The following RP1 variants were observed in gnomAD, a reference collection of about 807,000 sequenced individuals.
The protein encoded by RP1 is RP1 axonemal microtubule associated.
Under a neutral mutation model 14.8 loss-of-function variants are expected in RP1, and 16 were observed. That is an observed-to-expected ratio of 1.08 (90% confidence interval 0.73 to 1.65). The LOEUF is 1.65. Ranked by LOEUF, RP1 falls within the 40% of genes most tolerant of loss-of-function variation. The pLI is 0.00. For missense variants in RP1, 2,631 were observed against 2,535.0 expected, an observed-to-expected ratio of 1.04 and a Z score of -0.81; for synonymous variants, 876 against 883.6, an observed-to-expected ratio of 0.99 and a Z score of 0.15.
intron 12 of RP1, among the ~76,000 whole-genome samples, chr8:54,691,439 T>G (rs1343864411): frequency 1.3e-5 from 2 of 152,054 alleles, no homozygotes; most frequent in African/African-American, 4.8e-5. Context: ...GCTAGGAATG[T>G]GTGGAAAATT....
At chr8:54,702,681 T>C (rs1310276598) in intron 14 of RP1, among the ~76,000 whole-genome samples, 1 of 152,186 alleles carries the variant, frequency 6.6e-6, no homozygotes, top group Non-Finnish European at 1.5e-5. Context: ...ATTGACTCAT[T>C]CTTTCATGAA....
At chr8:54,840,551 AT>A (rs1054010216) in intron 25 of RP1, among the ~76,000 whole-genome samples, 6 of 147,078 alleles carry the variant, frequency 4.1e-5, no homozygotes, top group Non-Finnish European at 7.4e-5. Flanking sequence ...CAACTCTTGT[AT>A]TTCTTTCAGT....
chr8:54,802,381 G>A (rs1585704799), intron 24 of RP1, among the ~76,000 whole-genome samples: 1 of 152,106 alleles, frequency 6.6e-6, no homozygotes, highest in South Asian at 2.1e-4. Flanking sequence ...TTTAATCATG[G>A]CATTCAATAG....
At chr8:54,745,532 T>C (rs1396555250) in intron 19 of RP1, among the ~76,000 whole-genome samples, 1 of 152,196 alleles carries the variant, frequency 6.6e-6, no homozygotes, top group Non-Finnish European at 1.5e-5. Flanking sequence ...ACAACTAATA[T>C]TTGCTGTTGT....
chr8:54,652,847 C>G, exon 5 of RP1: 1 of 1,535,578 alleles, frequency 6.5e-7, no homozygotes, highest in Non-Finnish European at 8.7e-7. Context: ...GGATCCTCCC[C>G]TTCCTGGCAC....
exon 29 of RP1, chr8:54,869,964 G>A (rs771833965): frequency 3.0e-5 from 31 of 1,046,968 alleles, no homozygotes; most frequent in South Asian, 4.9e-5. Flanking sequence ...TGGGCCTGTC[G>A]CTCCAATATG....
intron 1 of RP1, among the ~76,000 whole-genome samples, chr8:54,619,041 G>A (rs999124875): frequency 6.6e-6 from 1 of 152,222 alleles, no homozygotes; most frequent in Non-Finnish European, 1.5e-5. Context: ...CTTGCTCAAG[G>A]TCAGACCACA....
chr8:54,829,154 A>C (rs547996272), intron 24 of RP1, among the ~76,000 whole-genome samples: 1 of 152,142 alleles, frequency 6.6e-6, no homozygotes, highest in South Asian at 2.1e-4. Flanking sequence ...AGACCACTGC[A>C]TATATGCAGT....
intron 17 of RP1, among the ~76,000 whole-genome samples, chr8:54,727,253 C>T (rs1316393617): frequency 6.6e-6 from 1 of 152,024 alleles, no homozygotes; most frequent in Non-Finnish European, 1.5e-5. Flanking sequence ...ATTTTTGCTG[C>T]AAAGGACTAG....
At chr8:54,865,514 A>G (rs1006153474) in intron 27 of RP1, among the ~76,000 whole-genome samples, 2 of 152,108 alleles carry the variant, frequency 1.3e-5, no homozygotes, top group African/African-American at 4.8e-5. Context: ...TAAATCTTCT[A>G]TGACTTAACA....
At position 54,625,854 on chromosome 8, in the gene RP1, C is replaced by T. The variant is rs1237729274; in HGVS notation, c.1972C>T (p.Pro658Ser). The T allele has an allele frequency of 6.2e-7, 1 of 1,613,340 alleles. No homozygotes were observed. The highest frequency in any genetic ancestry group is 8.5e-7 in the Non-Finnish European group (1 of 1,179,894). ...TGCTCAGTGTGGTTTAACAAAACTT[C>T]CAAAAAATGAAAAGAAGATTTTGTC... Reference protein sequence around the residue: ...EFAQCGLTKLPKNEKKILSSV... With the variant: ...EFAQCGLTKLSKNEKKILSSV... Residue 658 changes from proline to serine, a missense_variant, in exon 4 of 4, where the codon CCA becomes TCA. Coordinates refer to ENST00000220676, the MANE Select transcript of RP1 (RefSeq NM_006269.2).
At chr8:54,663,585 A>T in intron 6 of RP1, 1 of 1,010,478 alleles carries the variant, frequency 9.9e-7, no homozygotes. Flanking sequence ...GGTTTCTGGC[A>T]TCCACTGGGG....
At position 54,702,653 on chromosome 8, in the gene RP1, A is replaced by G. The variant is rs1218059380; in HGVS notation, c.1998+991A>G. On this transcript the variant is annotated intron_variant, in intron 14 of 22. Coordinates refer to the RP1 transcript ENST00000636932. ...GTCAGTTTCTTAAAATAAGACAACA[A>G]TGAAGTTTGCCACAGTGATTGACTC... 5.9e-5 allele frequency among the ~76,000 whole-genome samples: 9 copies of G among 152,188 alleles called. No individual in the cohort carries two copies. The East Asian group carries it at 1.7e-3, about 29-fold the overall frequency.
chr8:54,594,738 G>A (rs1805101903), intron 1 of RP1, among the ~76,000 whole-genome samples: 1 of 152,084 alleles, frequency 6.6e-6, no homozygotes, highest in Admixed American at 6.6e-5. Flanking sequence ...GCAAATAAAA[G>A]GCCACTAGAA....
intron 8 of RP1, among the ~76,000 whole-genome samples, chr8:54,677,168 T>A (rs141717060): frequency 6.6e-6 from 1 of 151,676 alleles, no homozygotes. Flanking sequence ...GCACTGAAAA[T>A]CCTGCATCCT....
chr8:54,602,178 C>G (rs1056348809), intron 1 of RP1, among the ~76,000 whole-genome samples: 3 of 152,092 alleles, frequency 2.0e-5, no homozygotes, highest in African/African-American at 7.2e-5. Context: ...CAGTGCTATC[C>G]CTCCCCTCTT....
chr8:54,681,460 T>C (rs926106401), intron 12 of RP1, among the ~76,000 whole-genome samples: 16 of 151,296 alleles, frequency 1.1e-4, no homozygotes, highest in Non-Finnish European at 1.6e-4. Flanking sequence ...TGATCTTATA[T>C]TTTCTATTTT....
intron 1 of RP1, among the ~76,000 whole-genome samples, chr8:54,607,775 T>C (rs1428488935): frequency 6.6e-6 from 1 of 152,178 alleles, no homozygotes; most frequent in African/African-American, 2.4e-5. Flanking sequence ...CGCTGCCACC[T>C]TGCAGTTTGA....
chr8:54,845,299 A>T (rs112001378), intron 25 of RP1, among the ~76,000 whole-genome samples: 2,047 of 152,320 alleles, frequency 0.013, 53 homozygotes, highest in African/African-American at 0.044. Flanking sequence ...TAGATGATTC[A>T]TACCTGATCA....
Sources: gnomAD v4.1 joint callset for allele counts (sites outside exome capture counted in the v4.1 genomes callset) on GRCh38, gnomAD v4.1.1 for gene constraint, MANE v1.5 for transcripts, NCBI Gene and HGNC (gene_info 2026-07-23, HGNC 2026-07-21) for gene names.